The following LAMA2 variants were observed in gnomAD, a reference collection of about 807,000 sequenced individuals.
LAMA2 encodes the protein laminin subunit alpha 2.
LAMA2 carries 269 observed loss-of-function variants against 364.8 expected under a neutral mutation model. The observed-to-expected ratio is 0.74, with a 90% confidence interval of 0.67 to 0.82. The LOEUF is 0.82. Ranked by LOEUF, LAMA2 falls within the 40% of genes least tolerant of loss-of-function variation. The pLI, the probability that LAMA2 is intolerant of heterozygous loss-of-function variation, is 0.00. For synonymous variants in LAMA2, 1,379 were observed against 1,370.6 expected (o/e 1.01, Z -0.14); for missense variants, 3,807 against 3,873.2 (o/e 0.98, Z 0.45).
Position 129,315,799 on chromosome 6 carries a change from A to G in LAMA2, c.3773A>G (p.Tyr1258Cys). 1 of 1,614,136 alleles carries G rather than the reference A, an allele frequency of 6.2e-7. No individual in the cohort carries two copies. Among genetic ancestry groups the G allele is most frequent in the South Asian group, 1.1e-5 (1 of 91,086 alleles). The change falls in exon 26 of 65, where the codon TAT becomes TGT. Residue 1258 changes from tyrosine to cysteine, a missense_variant. Tyr to Cys is a radical substitution (Grantham distance 194, BLOSUM62 -2). Transcript: ENST00000421865. ...GGGGGCAAACTCAAGTATGCAATCT[A>G]TTTCGAGGCTCGGGAAGAAACAGGT... ...AYGGKLKYAI[Y>C]FEAREETGFS... is the part of the protein sequence containing the mutation.
chr6:129,048,485 T>TTCCTTCCTTCCTTCC (rs1787716988), intron 1 of LAMA2, among the ~76,000 whole-genome samples: 1 of 86,966 alleles, frequency 1.1e-5, no homozygotes, highest in African/African-American at 4.9e-5. Flanking sequence ...TCTTTCTTTC[T>TTCCTTCCTTCCTTCC]TTCTTTCTTT....
chr6:129,106,732 A>C (rs569140985), intron 4 of LAMA2, among the ~76,000 whole-genome samples: 1 of 152,054 alleles, frequency 6.6e-6, no homozygotes, highest in African/African-American at 2.4e-5. Context: ...CATAAAATAC[A>C]TAATTTATTT....
intron 4 of LAMA2, among the ~76,000 whole-genome samples, chr6:129,102,130 CTTTT>C (rs10713380): frequency 3.1e-5 from 4 of 130,358 alleles, no homozygotes; most frequent in Admixed American, 1.5e-4. Context: ...TTCTTTCTTT[CTTTT>C]TTTTTTTTTT....
chr6:129,020,102 G>GAAAAAAAAAAAAAAAAAAAAAAAA (rs57907508), intron 1 of LAMA2, among the ~76,000 whole-genome samples: 1 of 134,216 alleles, frequency 7.5e-6, no homozygotes, highest in Non-Finnish European at 1.6e-5. Flanking sequence ...GAAAAAAAAA[G>GAAAAAAAAAAAAAAAAAAAAAAAA]AAAAAAAAAA....
intron 29 of LAMA2, among the ~76,000 whole-genome samples, chr6:129,338,806 T>C (rs184876011): frequency 2.0e-5 from 3 of 152,300 alleles, no homozygotes; most frequent in Non-Finnish European, 2.9e-5. Context: ...TAGCCTGATA[T>C]ACACTGTAGA....
At chr6:129,375,790 T>TCCA (rs1778338890) in intron 34 of LAMA2, among the ~76,000 whole-genome samples, 1 of 152,210 alleles carries the variant, frequency 6.6e-6, no homozygotes, top group African/African-American at 2.4e-5. Context: ...CATGCTTTGG[T>TCCA]CCTATGTGCC....
chr6:129,514,253 A>G (rs1786844076), intron 63 of LAMA2, 120 bp from the exon 64 acceptor site: 2 of 801,096 alleles, frequency 2.5e-6, no homozygotes, highest in Non-Finnish European at 4.3e-6. Flanking sequence ...GCCCAGTTAC[A>G]TCCATTTCAA....
chr6:129,057,537 A>G (rs1788571282), intron 2 of LAMA2, among the ~76,000 whole-genome samples: 1 of 152,206 alleles, frequency 6.6e-6, no homozygotes, highest in South Asian at 2.1e-4. Context: ...TCCTATATCA[A>G]TTTCACAAAT....
intron 8 of LAMA2, chr6:129,158,529 G>A (rs1028345332): frequency 6.2e-7 from 1 of 1,613,950 alleles, no homozygotes; most frequent in Non-Finnish European, 8.5e-7. Context: ...TGGAATAAAT[G>A]CTTCATCCTG....
chr6:129,373,490 A>G (rs1778201863), intron 34 of LAMA2, among the ~76,000 whole-genome samples: 1 of 152,154 alleles, frequency 6.6e-6, no homozygotes, highest in Non-Finnish European at 1.5e-5. Flanking sequence ...ATTAGCTCAT[A>G]TACATGAGCT....
chr6:129,180,902 T>G (rs967248778), intron 10 of LAMA2, among the ~76,000 whole-genome samples: 49 of 152,000 alleles, frequency 3.2e-4, no homozygotes, highest in African/African-American at 1.1e-3. Context: ...TTTAATGCCC[T>G]CACTAGGACT....
chr6:128,911,685 A>G (rs1257794898), intron 1 of LAMA2, among the ~76,000 whole-genome samples: 4 of 152,198 alleles, frequency 2.6e-5, no homozygotes, highest in Admixed American at 2.6e-4. Context: ...TTTCTATAAA[A>G]TAAAGTTTTT....
At chr6:129,177,010 G>A (rs1255023192) in intron 9 of LAMA2, among the ~76,000 whole-genome samples, 1 of 150,802 alleles carries the variant, frequency 6.6e-6, no homozygotes, top group East Asian at 2.0e-4. Flanking sequence ...TTACTGATTT[G>A]CTTTTATCTT....
chr6:128,910,853 A>G (rs1489352576), intron 1 of LAMA2, among the ~76,000 whole-genome samples: 1 of 150,732 alleles, frequency 6.6e-6, no homozygotes, highest in Non-Finnish European at 1.5e-5. Flanking sequence ...TTTCCTTCTA[A>G]CAGACAGGAC....
At chr6:129,456,309 C>T in intron 47 of LAMA2, 26 bp from the exon 48 acceptor site, 7 of 1,609,622 alleles carry the variant, frequency 4.3e-6, no homozygotes, top group Non-Finnish European at 6.0e-6. Flanking sequence ...TGTTCCTCCC[C>T]TTCACTTCAA....
chr6:129,321,215 T>C (rs941440803), intron 28 of LAMA2, among the ~76,000 whole-genome samples: 5 of 152,224 alleles, frequency 3.3e-5, no homozygotes, highest in Admixed American at 6.5e-5. Context: ...TTCTCTTGTC[T>C]GCCTTCAAGA....
At chr6:129,492,618 T>C in intron 58 of LAMA2, 135 bp downstream of exon 58, 2 of 765,200 alleles carry the variant, frequency 2.6e-6, no homozygotes, top group Admixed American at 2.5e-5. Flanking sequence ...TCTAAACCTA[T>C]TCTTACATCT....
chr6:129,263,050 G>T (rs867146795), intron 15 of LAMA2, among the ~76,000 whole-genome samples: 15 of 152,094 alleles, frequency 9.9e-5, no homozygotes, highest in African/African-American at 2.9e-4. Flanking sequence ...TGACAGATGA[G>T]ACAGGGGATA....
At chr6:128,988,898 AT>A (rs1338016885) in intron 1 of LAMA2, among the ~76,000 whole-genome samples, 1 of 152,204 alleles carries the variant, frequency 6.6e-6, no homozygotes, top group Non-Finnish European at 1.5e-5. Context: ...GGAAAGTTAA[AT>A]GGAAAAACAG....
Sources: gnomAD v4.1 joint callset for allele counts (sites outside exome capture counted in the v4.1 genomes callset) on GRCh38, gnomAD v4.1.1 for gene constraint, MANE v1.5 for transcripts, NCBI Gene and HGNC (gene_info 2026-07-23, HGNC 2026-07-21) for gene names.